The following PPP3R1 variants were observed in gnomAD, a reference collection of about 807,000 sequenced individuals.
PPP3R1 encodes protein phosphatase 3 regulatory subunit B, alpha, also known as calcineurin subunit B type 1.
In PPP3R1, 5 loss-of-function variants were observed where a neutral mutation model predicts 22.6. The observed-to-expected ratio is 0.22, with a 90% CI of 0.12 to 0.46. The LOEUF is 0.46. Ranked by LOEUF, PPP3R1 falls within the 20% of genes least tolerant of loss-of-function variation. The probability of loss-of-function intolerance (pLI) is 0.99; values close to 1 mark genes in which losing one functional copy is unlikely to be tolerated. For synonymous variants in PPP3R1, 56 were observed against 65.2 expected, an observed-to-expected ratio of 0.86 and a Z score of 0.68; for missense variants, 61 against 203.2, an observed-to-expected ratio of 0.30 and a Z score of 4.25.
chr2:68,189,249 T>C (rs1187111656), intron 2 of PPP3R1, among the ~76,000 whole-genome samples: 2 of 152,004 alleles, frequency 1.3e-5, no homozygotes, highest in Non-Finnish European at 1.5e-5. Context: ...GAAAGCAACG[T>C]TGCCAGTTTC....
intron 2 of PPP3R1, among the ~76,000 whole-genome samples, chr2:68,203,501 T>C (rs1675030371): frequency 6.6e-6 from 1 of 151,838 alleles, no homozygotes; most frequent in East Asian, 1.9e-4. Flanking sequence ...CTCGGGAGGC[T>C]GAGGCAGGTG....
chr2:68,199,984 C>A (rs1674942166), intron 2 of PPP3R1, among the ~76,000 whole-genome samples: 1 of 152,034 alleles, frequency 6.6e-6, no homozygotes, highest in Admixed American at 6.6e-5. Context: ...GTGTTTCTTT[C>A]TTTCTTTTCA....
intron 2 of PPP3R1, among the ~76,000 whole-genome samples, chr2:68,210,143 A>G (rs1669451262): frequency 6.6e-6 from 1 of 152,220 alleles, no homozygotes. Context: ...AGGAAGGTTC[A>G]GAATGGTTGT....
chr2:68,222,950 TAAA>T (rs1268918994), intron 1 of PPP3R1, among the ~76,000 whole-genome samples: 1 of 152,132 alleles, frequency 6.6e-6, no homozygotes, highest in African/African-American at 2.4e-5. Context: ...TTCATAATGC[TAAA>T]AAAGAGCCAA....
chr2:68,193,706 T>C (rs994241987), intron 2 of PPP3R1, among the ~76,000 whole-genome samples: 6 of 152,052 alleles, frequency 3.9e-5, no homozygotes, highest in African/African-American at 1.4e-4. Context: ...GATATTAGAG[T>C]ATGAAACAGA....
intron 1 of PPP3R1, among the ~76,000 whole-genome samples, chr2:68,229,544 C>A (rs971636827): frequency 1.3e-4 from 20 of 152,138 alleles, no homozygotes; most frequent in African/African-American, 4.3e-4. Context: ...TTAGTTCCAT[C>A]AGTCTTTTTT....
At chr2:68,236,084 TTTC>T (rs142728365) in intron 1 of PPP3R1, among the ~76,000 whole-genome samples, 59,481 of 151,806 alleles carry the variant, frequency 0.39, 12,194 homozygotes, top group South Asian at 0.62. Context: ...TGAATAGAAA[TTTC>T]TTATCAGATA....
At chr2:68,196,863 T>TA (rs758580259) in intron 2 of PPP3R1, among the ~76,000 whole-genome samples, 8 of 152,230 alleles carry the variant, frequency 5.3e-5, no homozygotes, top group Non-Finnish European at 8.8e-5. Flanking sequence ...TAGCTGAGAT[T>TA]ACAGGCGTGC....
At chr2:68,237,937 T>C (rs1670048406) in intron 1 of PPP3R1, among the ~76,000 whole-genome samples, 1 of 152,194 alleles carries the variant, frequency 6.6e-6, no homozygotes, top group Non-Finnish European at 1.5e-5. Context: ...CCTTTATTTA[T>C]GAAAATGTTT....
At position 68,198,938 on chromosome 2, in the gene PPP3R1, A is replaced by C. The variant is rs377488773; in HGVS notation, c.44-10248T>G. On this transcript the variant is annotated intron_variant, in intron 2 of 5. Coordinates refer to ENST00000234310, the MANE Select transcript of PPP3R1 (RefSeq NM_000945.4). ...ATTTTACAATTTTACTCTATTATGC[A>C]TGGTACTTGTCCATTTCATCTTTAT... 2.5e-3 allele frequency among the ~76,000 whole-genome samples: 376 copies of C among 152,190 alleles called. 3 individuals carry two copies. The highest frequency in any genetic ancestry group is 8.7e-3 in the African/African-American group (363 of 41,534).
chr2:68,236,067 T>C (rs1236550357), intron 1 of PPP3R1, among the ~76,000 whole-genome samples: 1 of 140,738 alleles, frequency 7.1e-6, no homozygotes, highest in Non-Finnish European at 1.6e-5. Flanking sequence ...GAATTGTTTA[T>C]ATATCCTGAA....
chr2:68,252,180 G>C lies in PPP3R1; in HGVS notation c.-53C>G. On this transcript the variant is annotated 5_prime_UTR_variant, in exon 1 of 6. Coordinates refer to ENST00000234310, the MANE Select transcript of PPP3R1 (RefSeq NM_000945.4). Reference sequence around the variant, plus strand: ...GCTCGCTGGCTCGGAGAAGTGTTGCGCTCAGGCTGGCTCGCAGGAAACGGC... The same window carrying C: ...GCTCGCTGGCTCGGAGAAGTGTTGCCCTCAGGCTGGCTCGCAGGAAACGGC... The C allele has an allele frequency of 7.6e-7, 1 of 1,321,906 alleles. No individual in the cohort carries two copies. The highest frequency in any genetic ancestry group is 9.9e-7 in the Non-Finnish European group (1 of 1,011,248). 81.9% of individuals were successfully genotyped at this position (1,321,906 alleles called of 1,614,324 possible). A position where few individuals can be genotyped will look rare whatever the true frequency, so the allele number is the denominator to read the frequency against.
chr2:68,252,265 G>C lies in PPP3R1; in HGVS notation c.-138C>G. On this transcript the variant is annotated 5_prime_UTR_variant, in exon 1 of 6. Transcript: ENST00000234310. ...CGGGGAGGGGGCGCGCGTGGGGGAG[G>C]GGAGGCGGCGCCGCGGGGCCCGCGC... 4.7e-6 allele frequency: 5 copies of C among 1,058,038 alleles called. No homozygotes were observed. The highest frequency in any genetic ancestry group is 4.6e-6 in the Non-Finnish European group (4 of 877,856). 65.5% of individuals were successfully genotyped at this position (1,058,038 alleles called of 1,614,324 possible). A position where few individuals can be genotyped will look rare whatever the true frequency, so the allele number is the denominator to read the frequency against.
chr2:68,232,602 T>C (rs1425250999), intron 1 of PPP3R1, among the ~76,000 whole-genome samples: 3 of 151,344 alleles, frequency 2.0e-5, no homozygotes, highest in Admixed American at 6.6e-5. Flanking sequence ...AGTGTTTTTG[T>C]TGTTGTTGTT....
intron 1 of PPP3R1, among the ~76,000 whole-genome samples, chr2:68,249,872 G>A (rs1670309577): frequency 6.6e-6 from 1 of 152,150 alleles, no homozygotes; most frequent in African/African-American, 2.4e-5. Context: ...TGTAAATGCT[G>A]TTGACAGAAT....
chr2:68,251,167 A>C (rs1670341471), intron 1 of PPP3R1: 1 of 152,270 alleles, frequency 6.6e-6, no homozygotes, highest in Non-Finnish European at 1.5e-5. Flanking sequence ...CCCGAGCGAG[A>C]GAACCGGTAA....
chr2:68,246,674 C>T (rs1670242773), intron 1 of PPP3R1, among the ~76,000 whole-genome samples: 1 of 152,194 alleles, frequency 6.6e-6, no homozygotes, highest in Admixed American at 6.5e-5. Flanking sequence ...CATTTCCCAA[C>T]TATCTCTCTG....
At chr2:68,249,179 G>A (rs912669779) in intron 1 of PPP3R1, among the ~76,000 whole-genome samples, 1 of 152,132 alleles carries the variant, frequency 6.6e-6, no homozygotes, top group Non-Finnish European at 1.5e-5. Context: ...CTGACCCTTA[G>A]TCAGCTTCTT....
intron 1 of PPP3R1, among the ~76,000 whole-genome samples, chr2:68,245,156 A>G (rs1670211054): frequency 6.6e-6 from 1 of 152,092 alleles, no homozygotes; most frequent in South Asian, 2.1e-4. Flanking sequence ...AGACTGCTTG[A>G]GCTCAGGAGT....
Sources: gnomAD v4.1 joint callset for allele counts (sites outside exome capture counted in the v4.1 genomes callset) on GRCh38, gnomAD v4.1.1 for gene constraint, MANE v1.5 for transcripts, NCBI Gene and HGNC (gene_info 2026-07-23, HGNC 2026-07-21) for gene names.